The following OTOGL variants were observed in gnomAD, a reference collection of about 807,000 sequenced individuals.
OTOGL encodes the protein otogelin-like protein.
Under a neutral mutation model 318.5 loss-of-function variants are expected in OTOGL, and 285 were observed. That is an observed-to-expected ratio of 0.89 (90% CI 0.81 to 0.99). The LOEUF (loss-of-function observed/expected upper bound fraction) is 0.99. OTOGL is among the 50% of genes least tolerant of loss of function. The probability of loss-of-function intolerance (pLI) is 0.00; values close to 1 mark genes in which losing one functional copy is unlikely to be tolerated. For missense variants in OTOGL, 2,899 were observed against 2,845.6 expected, an observed-to-expected ratio of 1.02 and a Z score of -0.43; for synonymous variants, 987 against 936.5, an observed-to-expected ratio of 1.05 and a Z score of -0.99.
chr12:80,238,477 A>G (rs371878226), intron 9 of OTOGL, among the ~76,000 whole-genome samples: 6 of 152,242 alleles, frequency 3.9e-5, no homozygotes, highest in Admixed American at 6.5e-5. Context: ...GATAATTTTT[A>G]CACTAAACGT....
intron 42 of OTOGL, among the ~76,000 whole-genome samples, chr12:80,337,300 A>G (rs1006755145): frequency 1.6e-4 from 25 of 151,926 alleles, no homozygotes; most frequent in African/African-American, 5.6e-4. Flanking sequence ...AGTTAATATC[A>G]CGTTCCAAAT....
chr12:80,189,913 C>G (rs1875554834), intron 1 of OTOGL, among the ~76,000 whole-genome samples: 1 of 152,138 alleles, frequency 6.6e-6, no homozygotes, highest in Non-Finnish European at 1.5e-5. Context: ...AAGACTCACT[C>G]CAAACTGGTT....
chr12:80,370,580 C>A lies in OTOGL; in HGVS notation c.6626C>A (p.Thr2209Asn), dbSNP rs146572555. ...GTSVVYAVGS[T>N]WHYNCTTYEC... ...CTTTTTGATTTTTAGGTAGGGAGTA[C>A]CTGGCACTACAATTGCACCACATAT... The change falls in exon 56 of 59, where the codon ACC (threonine) becomes AAC (asparagine). Residue 2209 changes from threonine to asparagine, a missense_variant. Thr to Asn is a moderately conservative substitution (Grantham distance 65). Around this residue, in one of 3 missense-constraint regions of OTOGL, gnomAD observed 289 missense variants for 304.6 expected, o/e 0.95. Coordinates refer to ENST00000547103, the MANE Select transcript of OTOGL (RefSeq NM_001378609.3). 2.0e-6 allele frequency: 3 copies of A among 1,534,828 alleles called. No homozygotes were observed. Among genetic ancestry groups the A allele is most frequent in the African/African-American group, 1.4e-5 (1 of 71,018 alleles).
rs1325531572 is a variant in OTOGL, at chr12:80,251,804, G to GT, written c.1159+12dup. On this transcript the variant is annotated splice_donor_region_variant and intron_variant, in intron 12 of 58. Transcript: ENST00000547103. Reference sequence around the variant, plus strand: ...GAGATGACTTTCCAGCATGCAGTATGTTTTTTTATTTTCCAAGCCCTGTGT... The same window carrying GT: ...GAGATGACTTTCCAGCATGCAGTATGTTTTTTTTATTTTCCAAGCCCTGTGT... The GT allele has an allele frequency of 1.9e-5, 30 of 1,559,640 alleles. No homozygotes were observed. The highest frequency in any genetic ancestry group is 1.7e-4 in the Middle Eastern group (1 of 5,980).
At chr12:80,239,855 A>G (rs539249900) in intron 11 of OTOGL, among the ~76,000 whole-genome samples, 36 of 152,132 alleles carry the variant, frequency 2.4e-4, no homozygotes, top group African/African-American at 8.4e-4. Context: ...CATTGTACCC[A>G]TAAGTAATCT....
chr12:80,217,255 T>C (rs1179850808), intron 4 of OTOGL, among the ~76,000 whole-genome samples: 1 of 147,510 alleles, frequency 6.8e-6, no homozygotes, highest in East Asian at 2.0e-4. Context: ...TTCATGAGGT[T>C]GCGAGGTGGG....
chr12:80,247,259 C>G (rs1240174203), intron 11 of OTOGL, among the ~76,000 whole-genome samples: 96 of 145,626 alleles, frequency 6.6e-4, no homozygotes, highest in African/African-American at 2.6e-3. Context: ...TGATGTTAGG[C>G]TGTCAATTTT....
chr12:80,370,192 G>C lies in OTOGL; in HGVS notation c.6616-378G>C, dbSNP rs1474930085. ...AATATGATTTGTTGTTTTATAATTA[G>C]TGAGGAAATATTAGAGCAAGACCTT... is the stretch of plus-strand genomic sequence containing the variant. On this transcript the variant is annotated intron_variant, in intron 55 of 58. Transcript: ENST00000547103. Among the ~76,000 whole-genome samples, 12 of 152,094 alleles carry C rather than the reference G, an allele frequency of 7.9e-5. No individual in the cohort carries two copies. In the East Asian group the frequency reaches 2.3e-3, roughly 29 times the overall value.
At chr12:80,353,671 G>T (rs1024060145) in intron 46 of OTOGL, among the ~76,000 whole-genome samples, 161 bp downstream of exon 46, 8 of 152,202 alleles carry the variant, frequency 5.3e-5, no homozygotes, top group Non-Finnish European at 1.0e-4. Context: ...GATTTCAAGA[G>T]AAGTTAATTG....
intron 44 of OTOGL, among the ~76,000 whole-genome samples, chr12:80,350,698 T>C (rs1330214006): frequency 6.6e-6 from 1 of 152,218 alleles, no homozygotes; most frequent in East Asian, 1.9e-4. Flanking sequence ...CATTTGCACA[T>C]CTTTTTTTGA....
intron 1 of OTOGL, among the ~76,000 whole-genome samples, chr12:80,108,951 TATAC>T (rs1196934173): frequency 6.9e-5 from 10 of 145,098 alleles, no homozygotes; most frequent in East Asian, 2.0e-4. Flanking sequence ...TATATATATA[TATAC>T]ACACACACAT....
At chr12:80,305,497 T>G (rs1382034191) in intron 28 of OTOGL, 79 bp from the exon 29 acceptor site, 1 of 1,171,132 alleles carries the variant, frequency 8.5e-7, no homozygotes, top group Non-Finnish European at 1.1e-6. Context: ...TTGAAATGTC[T>G]CAAAAGTTTT....
chr12:80,153,152 A>C (rs1042309340), intron 1 of OTOGL, among the ~76,000 whole-genome samples: 5 of 152,180 alleles, frequency 3.3e-5, no homozygotes, highest in African/African-American at 9.7e-5. Flanking sequence ...CGGCCTTATC[A>C]ACAATGGAAA....
intron 27 of OTOGL, among the ~76,000 whole-genome samples, chr12:80,301,518 TTTTGGTAC>T (rs1885760785): frequency 6.6e-6 from 1 of 152,222 alleles, no homozygotes; most frequent in South Asian, 2.1e-4. Context: ...TGCTCTAGCC[TTTTGGTAC>T]TCTCCTTAGT....
chr12:80,346,033 C>T (rs772428681), intron 44 of OTOGL, among the ~76,000 whole-genome samples: 6 of 152,106 alleles, frequency 3.9e-5, no homozygotes, highest in East Asian at 3.9e-4. Context: ...ATGCTGAACT[C>T]GATATTTGGC....
intron 44 of OTOGL, among the ~76,000 whole-genome samples, chr12:80,344,879 T>C (rs1041197927): frequency 2.7e-5 from 4 of 150,748 alleles, no homozygotes; most frequent in African/African-American, 9.7e-5. Flanking sequence ...ATTTTTATAA[T>C]TTTTTTAAGT....
intron 1 of OTOGL, among the ~76,000 whole-genome samples, chr12:80,203,355 C>A (rs1209690610): frequency 1.3e-5 from 2 of 151,878 alleles, no homozygotes; most frequent in Non-Finnish European, 2.9e-5. Context: ...TTATAAGGAC[C>A]CTTTATCTGG....
In OTOGL at chr12:80,262,035, C is replaced by T. The variant is rs1295063770; in HGVS notation, c.1956C>T (p.Thr652=). ...CAAATGCGTGGAGAGTTTCTTCTAC[C>T]TGTTTTGCACCTGTTCATGTCCCAG... The part of the protein sequence containing the change: ...LHANAWRVSS[T]CFAPVHVPVV... The change falls in exon 19 of 59, where the codon ACC becomes ACT. Residue 652 remains threonine, a synonymous_variant. Transcript: ENST00000547103. 1.2e-6 allele frequency: 2 copies of T among 1,613,088 alleles called. No homozygotes were observed. The highest frequency in any genetic ancestry group is 1.7e-6 in the Non-Finnish European group (2 of 1,179,338).
chr12:80,264,978 A>T (rs146893184), intron 19 of OTOGL, 23 bp from the exon 20 acceptor site: 3 of 1,609,506 alleles, frequency 1.9e-6, no homozygotes, highest in Non-Finnish European at 2.6e-6. Flanking sequence ...GTTAAATAAG[A>T]TGCTAATTGG....
Sources: allele counts gnomAD v4.1 joint callset (sites outside exome capture counted in the v4.1 genomes callset), GRCh38; gene constraint gnomAD v4.1.1; regional missense constraint gnomAD v4.1.1; transcripts MANE v1.5; gene names NCBI Gene and HGNC (gene_info 2026-07-23, HGNC 2026-07-21).